The following KIRREL3 variants were observed in gnomAD, a reference collection of about 807,000 sequenced individuals.
The protein encoded by KIRREL3 is kin of IRRE-like protein 3.
In KIRREL3, 36 loss-of-function variants were observed where a neutral mutation model predicts 89.7. That is an observed-to-expected ratio of 0.40 (90% CI 0.31 to 0.53). The LOEUF (loss-of-function observed/expected upper bound fraction) is 0.53. Among genes scored for constraint, KIRREL3 ranks in the 20% least tolerant of loss-of-function variants. The pLI is 0.49. For synonymous variants in KIRREL3, 445 were observed against 441.4 expected (o/e 1.01, Z -0.10); for missense variants, 864 against 1,056.6 (o/e 0.82, Z 2.53).
At position 126,748,267 on chromosome 11, in the gene KIRREL3, C is replaced by CT. The variant is rs1341261108; in HGVS notation, c.56-185356dup. On this transcript the variant is annotated intron_variant, in intron 1 of 16. Coordinates refer to ENST00000525144, the MANE Select transcript of KIRREL3 (RefSeq NM_032531.4). The surrounding 1 kb of genome is among the most constrained non-coding windows in gnomAD (Gnocchi z 4.6). ...TTCACCAGCCACTTCCTTTTACTCC[C>CT]TTGCCCAGGCTTCAGCGGCAGAAGA... Among the ~76,000 whole-genome samples, 2 of 152,204 alleles carry CT rather than the reference C, an allele frequency of 1.3e-5. No homozygotes were observed. The highest frequency in any genetic ancestry group is 4.8e-5 in the African/African-American group (2 of 41,452).
chr11:126,704,640 T>A lies in KIRREL3; in HGVS notation c.56-141728A>T, dbSNP rs1947447009. On this transcript the variant is annotated intron_variant, in intron 1 of 16. Coordinates refer to ENST00000525144, the MANE Select transcript of KIRREL3 (RefSeq NM_032531.4). The surrounding 1 kb of genome is among the most constrained non-coding windows in gnomAD (Gnocchi z 4.2). ...ACAGACAGGGCTCTATTTTTGGATG[T>A]CTTGGTTCTCATGAGTTGTGGCTAA... Among the ~76,000 whole-genome samples, 2 of 152,228 alleles carry A rather than the reference T, an allele frequency of 1.3e-5. No homozygotes were observed. Among genetic ancestry groups the A allele is most frequent in the Admixed American group, 6.5e-5 (1 of 15,288 alleles).
At position 126,879,245 on chromosome 11, in the gene KIRREL3, T is replaced by A. The variant is rs1233823179; in HGVS notation, c.55+121210A>T. Among the ~76,000 whole-genome samples, 1 of 152,200 alleles carries A rather than the reference T, an allele frequency of 6.6e-6. No individual in the cohort carries two copies. The highest frequency in any genetic ancestry group is 1.5e-5 in the Non-Finnish European group (1 of 68,036). On this transcript the variant is annotated intron_variant, in intron 1 of 16. Coordinates refer to ENST00000525144, the MANE Select transcript of KIRREL3 (RefSeq NM_032531.4). The surrounding 1 kb of genome is among the most constrained non-coding windows in gnomAD (Gnocchi z 5.4). ...ATATGCAGCTGTTATGCAAAGAAGCTCTTGCTCTCAGAGCTGATGTGTTTA... is the reference window on the plus strand; with the variant it reads ...ATATGCAGCTGTTATGCAAAGAAGCACTTGCTCTCAGAGCTGATGTGTTTA...
chr11:126,853,275 A>G (rs1944400423), intron 1 of KIRREL3, among the ~76,000 whole-genome samples: 1 of 152,214 alleles, frequency 6.6e-6, no homozygotes, highest in South Asian at 2.1e-4. Context: ...AATTTACAAA[A>G]TATGTATTTT....
In KIRREL3 at chr11:126,708,182, C is replaced by T. The variant is rs1947614477; in HGVS notation, c.56-145270G>A. 6.6e-6 allele frequency among the ~76,000 whole-genome samples: 1 copy of T among 152,182 alleles called. No individual in the cohort carries two copies. Among genetic ancestry groups the T allele is most frequent in the Non-Finnish European group, 1.5e-5 (1 of 68,034 alleles). The stretch of plus-strand genomic sequence containing the variant: ...CCTGGTCAGGCGGTATTCATGCCGC[C>T]TGGAAACTCATCTGCCTGTGCCGCT... On this transcript the variant is annotated intron_variant, in intron 1 of 16. Transcript: ENST00000525144. This position sits in a 1 kb window ranked among gnomAD's most constrained non-coding sequence, Gnocchi z 5.7.
Position 126,521,358 on chromosome 11 carries a change from G to C in KIRREL3, c.390C>G (p.Ile130Met). Residue 130 changes from isoleucine to methionine, a missense_variant, in exon 4 of 17, where the codon ATC (isoleucine) becomes ATG (methionine). Transcript: ENST00000525144. The surrounding 1 kb of genome is among the most constrained non-coding windows in gnomAD (Gnocchi z 4.1). ...QDDAVYECQA[I>M]QAAIRSRPAR... Reference sequence around the variant, plus strand: ...CGGGGCGGGAGCGGATGGCGGCCTGGATGGCCTGGCACTCGTACACCGCAT... The same window carrying C: ...CGGGGCGGGAGCGGATGGCGGCCTGCATGGCCTGGCACTCGTACACCGCAT... The C allele has an allele frequency of 6.4e-7, 1 of 1,555,848 alleles. No homozygotes were observed. Among genetic ancestry groups the C allele is most frequent in the Non-Finnish European group, 8.7e-7 (1 of 1,149,682 alleles).
intron 1 of KIRREL3, among the ~76,000 whole-genome samples, chr11:126,838,141 G>T (rs543580921): frequency 6.6e-6 from 1 of 152,146 alleles, no homozygotes; most frequent in Non-Finnish European, 1.5e-5. Flanking sequence ...TGAAGGGAAA[G>T]GATTGTTAAT....
intron 4 of KIRREL3, among the ~76,000 whole-genome samples, chr11:126,512,749 AGCAGC>A (rs1958265629): frequency 6.6e-6 from 1 of 152,190 alleles, no homozygotes; most frequent in African/African-American, 2.4e-5. Context: ...GCTTGGTTCC[AGCAGC>A]TGAAGGGTAT....
chr11:126,793,590 C>T (rs1358804887), intron 1 of KIRREL3, among the ~76,000 whole-genome samples: 5 of 152,190 alleles, frequency 3.3e-5, no homozygotes, highest in African/African-American at 1.2e-4. Context: ...CTGGCAGTGA[C>T]TCACACAGAG....
At position 126,474,671 on chromosome 11, in the gene KIRREL3, T is replaced by C. The variant is rs1591600871; in HGVS notation, c.434-1205A>G. ...GTGGCTCCCATCAAGGGATCCTGAG[T>C]GCCAGGAAGAGGGCCATCCGCGTCG... On this transcript the variant is annotated intron_variant, in intron 4 of 16. Coordinates refer to ENST00000525144, the MANE Select transcript of KIRREL3 (RefSeq NM_032531.4). The surrounding 1 kb of genome is among the most constrained non-coding windows in gnomAD (Gnocchi z 6.7). Among the ~76,000 whole-genome samples the C allele has an allele frequency of 2.0e-5, 3 of 152,288 alleles. No individual in the cohort carries two copies. The South Asian group carries it at 6.2e-4, about 32-fold the overall frequency.
In KIRREL3 at chr11:126,904,974, G is replaced by A. The variant is rs892129136; in HGVS notation, c.55+95481C>T. ...TGATGATGATGATGATACAGAAATA[G>A]TGTGTAAAAAAATTCATCTTCAGAT... On this transcript the variant is annotated intron_variant, in intron 1 of 16. Transcript: ENST00000525144. The surrounding 1 kb of genome is among the most constrained non-coding windows in gnomAD (Gnocchi z 4.4). Among the ~76,000 whole-genome samples the A allele has an allele frequency of 2.6e-5, 4 of 152,080 alleles. No homozygotes were observed. The highest frequency in any genetic ancestry group is 9.7e-5 in the African/African-American group (4 of 41,396).
At chr11:126,821,345 A>ATC (rs1943214454) in intron 1 of KIRREL3, among the ~76,000 whole-genome samples, 1 of 113,728 alleles carries the variant, frequency 8.8e-6, no homozygotes. Context: ...ATATATATAT[A>ATC]TATATATGTA....
In KIRREL3 at chr11:126,637,910, G is replaced by A. The variant is rs538166822; in HGVS notation, c.56-74998C>T. Among the ~76,000 whole-genome samples, 7 of 152,312 alleles carry A rather than the reference G, an allele frequency of 4.6e-5. No individual in the cohort carries two copies. The South Asian group carries it at 1.5e-3, about 32-fold the overall frequency. ...GTAAACCGATGACCATTGTACAGTG[G>A]AAAACATGCCAAGAGCACAGTGGGA... On this transcript the variant is annotated intron_variant, in intron 1 of 16. Transcript: ENST00000525144.
intron 5 of KIRREL3, 115 bp downstream of exon 5, chr11:126,473,194 T>G: frequency 3.1e-6 from 1 of 326,126 alleles, no homozygotes. Context: ...CCCCCGCTCC[T>G]TTAGCCCCCT....
chr11:126,595,633 A>G (rs1384594748), intron 1 of KIRREL3, among the ~76,000 whole-genome samples: 1 of 152,180 alleles, frequency 6.6e-6, no homozygotes, highest in Admixed American at 6.5e-5. Flanking sequence ...TCCTTTGCCT[A>G]AGGAAGGCCA....
chr11:126,767,559 C>T (rs575111010), intron 1 of KIRREL3, among the ~76,000 whole-genome samples: 34 of 152,252 alleles, frequency 2.2e-4, no homozygotes, highest in East Asian at 1.9e-4. Context: ...CTGTGTATAA[C>T]GACATACACT....
intron 9 of KIRREL3, among the ~76,000 whole-genome samples, chr11:126,445,688 A>G (rs1955762527): frequency 6.6e-6 from 1 of 152,112 alleles, no homozygotes; most frequent in Non-Finnish European, 1.5e-5. Flanking sequence ...CTCCCTTTCT[A>G]TGTATGGAGG....
chr11:126,762,739 A>G (rs1198822328), intron 1 of KIRREL3, among the ~76,000 whole-genome samples: 1 of 152,150 alleles, frequency 6.6e-6, no homozygotes, highest in African/African-American at 2.4e-5. Context: ...CCTTTGTCAC[A>G]TGGCCCTCAA....
In KIRREL3 at chr11:126,685,867, G is replaced by A. The variant is rs928755324; in HGVS notation, c.56-122955C>T. 1.3e-5 allele frequency among the ~76,000 whole-genome samples: 2 copies of A among 152,182 alleles called. No homozygotes were observed. Among genetic ancestry groups the A allele is most frequent in the Non-Finnish European group, 2.9e-5 (2 of 68,042 alleles). On this transcript the variant is annotated intron_variant, in intron 1 of 16. Transcript: ENST00000525144. This position sits in a 1 kb window ranked among gnomAD's most constrained non-coding sequence, Gnocchi z 5.5. ...CCGACCCACTGGATCGGGGCCACTGGAGACTTTTTCCCTCATGCTGGGCTC... is the reference window on the plus strand; with the variant it reads ...CCGACCCACTGGATCGGGGCCACTGAAGACTTTTTCCCTCATGCTGGGCTC...
rs977648153 is a variant in KIRREL3 at position 126,995,705 on chromosome 11, T to G, written c.55+4750A>C. Reference sequence around the variant, plus strand: ...CACAAATCAAAGGTATCATTAGTATTGTTATTATTTTGCTATTGAAATCTC... The same window carrying G: ...CACAAATCAAAGGTATCATTAGTATGGTTATTATTTTGCTATTGAAATCTC... On this transcript the variant is annotated intron_variant, in intron 1 of 16. Coordinates refer to ENST00000525144, the MANE Select transcript of KIRREL3 (RefSeq NM_032531.4). The surrounding 1 kb of genome is among the most constrained non-coding windows in gnomAD (Gnocchi z 6.5). Among the ~76,000 whole-genome samples the G allele has an allele frequency of 6.6e-6, 1 of 152,212 alleles. No homozygotes were observed. Among genetic ancestry groups the G allele is most frequent in the Admixed American group, 6.5e-5 (1 of 15,282 alleles).
Sources: allele counts gnomAD v4.1 joint callset (sites outside exome capture counted in the v4.1 genomes callset), GRCh38; gene constraint gnomAD v4.1.1; non-coding constraint Gnocchi (gnomAD v3.1); transcripts MANE v1.5; gene names NCBI Gene and HGNC (gene_info 2026-07-23, HGNC 2026-07-21).